Variants in TRIQK observed in about 807,000 individuals in gnomAD.
The protein encoded by TRIQK is triple QxxK/R motif containing, also known as triple QxxK/R motif-containing protein.
Under a neutral mutation model 10.8 loss-of-function variants are expected in TRIQK, and 10 were observed. That is an observed-to-expected ratio of 0.92 (90% CI 0.57 to 1.57). The LOEUF is 1.57. TRIQK is among the 40% of genes most tolerant of loss of function. The pLI, the probability that TRIQK is intolerant of heterozygous loss-of-function variation, is 0.00. For missense variants in TRIQK, 107 were observed against 97.7 expected, an observed-to-expected ratio of 1.09 and a Z score of -0.40; for synonymous variants, 33 against 33.7, an observed-to-expected ratio of 0.98 and a Z score of 0.07.
rs1025357474 is a variant in TRIQK at position 92,885,139 on chromosome 8, G to T, written c.*1483C>A. 8.0e-5 allele frequency: 32 copies of T among 400,174 alleles called. 1 individual carries two copies. In the Middle Eastern group the frequency reaches 2.8e-3, roughly 35 times the overall value. The allele number at this position is 400,174 out of a possible 1,614,324, so 24.8% of individuals were successfully genotyped here. On this transcript the variant is annotated 3_prime_UTR_variant, in exon 5 of 5. Coordinates refer to ENST00000521988, the MANE Select transcript of TRIQK (RefSeq NM_001171797.2). The stretch of plus-strand genomic sequence containing the variant: ...CTCAGATGTTTGGCATAAATGATTT[G>T]TGAGGATATTGGAACCTTTGGCTGT...
chr8:92,906,407 A>G (rs1483674510), intron 3 of TRIQK, among the ~76,000 whole-genome samples: 1 of 152,154 alleles, frequency 6.6e-6, no homozygotes, highest in Non-Finnish European at 1.5e-5. Flanking sequence ...CTCAAGTACT[A>G]TTTTGACCAA....
chr8:93,004,833 C>T (rs941122074), intron 1 of TRIQK, among the ~76,000 whole-genome samples: 1 of 152,210 alleles, frequency 6.6e-6, no homozygotes, highest in Non-Finnish European at 1.5e-5. Context: ...CACAAGTGAC[C>T]TTTACTCCAG....
intron 1 of TRIQK, among the ~76,000 whole-genome samples, chr8:92,984,688 T>A (rs1813016035): frequency 6.6e-6 from 1 of 152,124 alleles, no homozygotes; most frequent in Non-Finnish European, 1.5e-5. Context: ...AAATGGAAAC[T>A]TAAGATAAAA....
intron 1 of TRIQK, among the ~76,000 whole-genome samples, chr8:93,009,982 C>T (rs949370356): frequency 6.6e-6 from 1 of 151,962 alleles, no homozygotes; most frequent in Non-Finnish European, 1.5e-5. Context: ...ATGGATGAAG[C>T]TAAAGGACAT....
chr8:92,909,748 G>C (rs1362399179), intron 3 of TRIQK, among the ~76,000 whole-genome samples: 2 of 151,728 alleles, frequency 1.3e-5, no homozygotes, highest in East Asian at 3.9e-4. Context: ...ATACATGGAG[G>C]AGAATTATAG....
At position 92,884,921 on chromosome 8, in the gene TRIQK, T is replaced by C; in HGVS notation, c.*1701A>G. ...AGTAAAAGGCCCATCATATCCAAAA[T>C]GCCAGCTTGGATATTCCCTTGCCAC... On this transcript the variant is annotated 3_prime_UTR_variant, in exon 5 of 5. Coordinates refer to ENST00000521988, the MANE Select transcript of TRIQK (RefSeq NM_001171797.2). The C allele has an allele frequency of 2.2e-6, 1 of 456,200 alleles. No individual in the cohort carries two copies. The highest frequency in any genetic ancestry group is 1.5e-5 in the South Asian group (1 of 64,556). 28.3% of individuals were successfully genotyped at this position (456,200 alleles called of 1,614,324 possible). A position where few individuals can be genotyped will look rare whatever the true frequency, so the allele number is the denominator to read the frequency against.
At chr8:92,916,452 A>T (rs778904085) in intron 3 of TRIQK, among the ~76,000 whole-genome samples, 3 of 151,838 alleles carry the variant, frequency 2.0e-5, no homozygotes, top group Admixed American at 2.0e-4. Flanking sequence ...TTCACATATG[A>T]CCTCTGGAGA....
intron 1 of TRIQK, among the ~76,000 whole-genome samples, chr8:93,014,600 G>T (rs1813366202): frequency 6.6e-6 from 1 of 152,006 alleles, no homozygotes; most frequent in African/African-American, 2.4e-5. Flanking sequence ...CCAACCAAAT[G>T]ACATCATAAA....
intron 2 of TRIQK, among the ~76,000 whole-genome samples, chr8:92,947,613 C>T (rs550122406): frequency 1.5e-5 from 2 of 135,804 alleles, no homozygotes; most frequent in African/African-American, 5.3e-5. Flanking sequence ...AAAAAAAAAG[C>T]CTTCATTTTT....
chr8:93,016,758 G>A (rs1813387586), intron 1 of TRIQK, among the ~76,000 whole-genome samples: 1 of 152,060 alleles, frequency 6.6e-6, no homozygotes, highest in Non-Finnish European at 1.5e-5. Context: ...AGTGGAGGGA[G>A]GTATTCCCGA....
chr8:92,884,609 A>C lies in TRIQK; in HGVS notation c.*2013T>G. ...CCTCAAGGGTAAAACAGAATGGTAA[A>C]GTTTTTTTCAGGATAATGAATTTTC... is the stretch of plus-strand genomic sequence containing the variant. On this transcript the variant is annotated 3_prime_UTR_variant, in exon 5 of 5. Coordinates refer to ENST00000521988, the MANE Select transcript of TRIQK (RefSeq NM_001171797.2). 1 of 327,882 alleles carries C rather than the reference A, an allele frequency of 3.0e-6. No individual in the cohort carries two copies. Among genetic ancestry groups the C allele is most frequent in the Middle Eastern group, 1.1e-3 (1 of 892 alleles). 20.3% of individuals were successfully genotyped at this position (327,882 alleles called of 1,614,324 possible).
chr8:92,949,839 A>T (rs1427319737), intron 2 of TRIQK, among the ~76,000 whole-genome samples: 2 of 128,842 alleles, frequency 1.6e-5, no homozygotes, highest in African/African-American at 5.6e-5. Context: ...AGAAAGAAAG[A>T]AAGGGAGAGA....
chr8:92,914,404 C>A (rs572085037), intron 3 of TRIQK, among the ~76,000 whole-genome samples: 14 of 152,208 alleles, frequency 9.2e-5, no homozygotes, highest in Middle Eastern at 3.4e-3. Context: ...AACTAAAAAT[C>A]TTCTGCATGG....
At chr8:92,971,181 T>C (rs746773004) in intron 1 of TRIQK, among the ~76,000 whole-genome samples, 1 of 152,144 alleles carries the variant, frequency 6.6e-6, no homozygotes, top group Non-Finnish European at 1.5e-5. Context: ...AACACCGTGC[T>C]TCTTTGGTTA....
chr8:92,936,776 T>A (rs1811009562), intron 2 of TRIQK, among the ~76,000 whole-genome samples: 1 of 151,692 alleles, frequency 6.6e-6, no homozygotes, highest in Non-Finnish European at 1.5e-5. Flanking sequence ...TTTGAATCTG[T>A]ATGAAATTAT....
At chr8:92,949,765 AGAGAAG>A (rs1220636754) in intron 2 of TRIQK, among the ~76,000 whole-genome samples, 3 of 110,856 alleles carry the variant, frequency 2.7e-5, no homozygotes, top group African/African-American at 1.2e-4. Flanking sequence ...AAGGAAAGAA[AGAGAAG>A]GAAAGAAAGA....
chr8:93,004,096 G>T (rs1488077049), intron 1 of TRIQK, among the ~76,000 whole-genome samples: 2 of 152,180 alleles, frequency 1.3e-5, no homozygotes, highest in Non-Finnish European at 2.9e-5. Context: ...AGCTCCACTA[G>T]GCAGTGCCCC....
rs959450300 is a variant in TRIQK at position 92,884,430 on chromosome 8, A to C, written c.*2192T>G. ...AAAATCAGAGAGTTTAGCCTTTGAA[A>C]TTTATGGTTCTCTGGAGCTATCATA... On this transcript the variant is annotated 3_prime_UTR_variant, in exon 5 of 5. Coordinates refer to ENST00000521988, the MANE Select transcript of TRIQK (RefSeq NM_001171797.2). 2.6e-4 allele frequency: 48 copies of C among 182,010 alleles called. No homozygotes were observed. Among genetic ancestry groups the C allele is most frequent in the Non-Finnish European group, 5.4e-4 (46 of 85,520 alleles). The allele number at this position is 182,010 out of a possible 1,614,324, so 11.3% of individuals were successfully genotyped here.
intron 3 of TRIQK, among the ~76,000 whole-genome samples, chr8:92,892,830 A>C (rs974909304): frequency 4.0e-5 from 6 of 151,858 alleles, no homozygotes; most frequent in Non-Finnish European, 7.4e-5. Context: ...GCCTGGGGAG[A>C]ATATAGGTTT....
Sources: gnomAD v4.1 joint callset for allele counts (sites outside exome capture counted in the v4.1 genomes callset) on GRCh38, gnomAD v4.1.1 for gene constraint, MANE v1.5 for transcripts, NCBI Gene and HGNC (gene_info 2026-07-23, HGNC 2026-07-21) for gene names.